Variants in ADAMTSL3 observed in about 807,000 individuals in gnomAD.
ADAMTSL3 encodes ADAMTS-like protein 3.
Under a neutral mutation model 201.7 loss-of-function variants are expected in ADAMTSL3, and 128 were observed. The observed-to-expected ratio is 0.63, with a 90% CI of 0.55 to 0.73. ADAMTSL3 has a LOEUF of 0.73. Among genes scored for constraint, ADAMTSL3 ranks in the 30% least tolerant of loss-of-function variants. ADAMTSL3 has a pLI of 0.00. For synonymous variants in ADAMTSL3, 738 were observed against 748.4 expected (o/e 0.99, Z 0.23); for missense variants, 1,990 against 2,119.6 (o/e 0.94, Z 1.20).
chr15:83,988,883 A>ATT, intron 22 of ADAMTSL3, 65 bp downstream of exon 22: 15 of 1,021,974 alleles, frequency 1.5e-5, no homozygotes, highest in Non-Finnish European at 1.8e-5. Context: ...TTATTTATTT[A>ATT]TTTATTTTTT....
At chr15:83,933,208 G>T (rs1173350464) in intron 17 of ADAMTSL3, among the ~76,000 whole-genome samples, 1 of 152,150 alleles carries the variant, frequency 6.6e-6, no homozygotes, top group African/African-American at 2.4e-5. Flanking sequence ...AAAGCATGGA[G>T]AATACATAAA....
At chr15:83,863,120 C>A (rs2064901550) in intron 8 of ADAMTSL3, among the ~76,000 whole-genome samples, 1 of 152,214 alleles carries the variant, frequency 6.6e-6, no homozygotes, top group Admixed American at 6.5e-5. Context: ...ATTCATAAAG[C>A]AAGTCCTTAG....
intron 16 of ADAMTSL3, among the ~76,000 whole-genome samples, chr15:83,913,620 T>A (rs1415480931): frequency 1.3e-5 from 2 of 152,174 alleles, no homozygotes; most frequent in Non-Finnish European, 2.9e-5. Context: ...CCTGAGAATC[T>A]GCATGACTGA....
At chr15:83,884,015 C>G (rs1053104155) in intron 9 of ADAMTSL3, among the ~76,000 whole-genome samples, 1 of 151,650 alleles carries the variant, frequency 6.6e-6, no homozygotes. Context: ...GCCTCAGCCT[C>G]CTGAGTAGCT....
intron 4 of ADAMTSL3, among the ~76,000 whole-genome samples, chr15:83,783,837 C>CTGTGTGTG (rs59071955): frequency 0.085 from 12,622 of 148,620 alleles, 556 homozygotes; most frequent in Non-Finnish European, 0.1. Context: ...CATATATACT[C>CTGTGTGTG]TGTGTGTGTG....
intron 19 of ADAMTSL3, among the ~76,000 whole-genome samples, chr15:83,955,992 C>T (rs766360537): frequency 2.0e-5 from 3 of 152,108 alleles, no homozygotes; most frequent in Admixed American, 6.6e-5. Flanking sequence ...ATCAGACTTG[C>T]CTAAGAATCT....
intron 2 of ADAMTSL3, among the ~76,000 whole-genome samples, chr15:83,680,878 T>G (rs2141423311): frequency 6.6e-6 from 1 of 152,282 alleles, no homozygotes; most frequent in South Asian, 2.1e-4. Context: ...AGGTCATGTT[T>G]TCTTTAATTT....
At chr15:83,992,340 AC>A (rs1237563316) in intron 23 of ADAMTSL3, among the ~76,000 whole-genome samples, 1 of 151,906 alleles carries the variant, frequency 6.6e-6, no homozygotes, top group Non-Finnish European at 1.5e-5. Context: ...ATTGTTTTTC[AC>A]CCCTTGGAAA....
At chr15:84,031,051 C>T (rs1435999194) in intron 27 of ADAMTSL3, among the ~76,000 whole-genome samples, 1 of 152,196 alleles carries the variant, frequency 6.6e-6, no homozygotes, top group African/African-American at 2.4e-5. Context: ...AATTAAACCT[C>T]TTTCCTTTGT....
chr15:83,774,602 G>A (rs890534337), intron 4 of ADAMTSL3, among the ~76,000 whole-genome samples: 1 of 152,198 alleles, frequency 6.6e-6, no homozygotes, highest in African/African-American at 2.4e-5. Context: ...TTCCCCCAGG[G>A]CGAGTTCTAA....
intron 4 of ADAMTSL3, among the ~76,000 whole-genome samples, chr15:83,804,293 A>G (rs1335359280): frequency 6.6e-6 from 1 of 152,234 alleles, no homozygotes; most frequent in Non-Finnish European, 1.5e-5. Context: ...ATTCTTCTAC[A>G]TGTAGCATTT....
chr15:83,891,158 C>T lies in ADAMTSL3; in HGVS notation c.1212-171C>T, dbSNP rs971401889. 8.9e-5 allele frequency: 49 copies of T among 547,688 alleles called. 1 individual carries two copies. Among genetic ancestry groups the T allele is most frequent in the Non-Finnish European group, 1.4e-4 (45 of 311,936 alleles). The allele number at this position is 547,688 out of a possible 1,614,324, so 33.9% of individuals were successfully genotyped here. On this transcript the variant is annotated intron_variant, in intron 11 of 29. Coordinates refer to ENST00000286744, the MANE Select transcript of ADAMTSL3 (RefSeq NM_207517.3). The stretch of plus-strand genomic sequence containing the variant: ...GAATTTGTGTCGTAGATATTCTTGA[C>T]AACTAAAGAGATGGTGGCTGAATTT...
At chr15:83,870,162 G>A (rs62025822) in intron 8 of ADAMTSL3, among the ~76,000 whole-genome samples, 32,934 of 152,122 alleles carry the variant, frequency 0.22, 4,234 homozygotes, top group Non-Finnish European at 0.28. Flanking sequence ...CACAAGGGAG[G>A]TCTTTGTGGC....
chr15:83,823,938 T>TTCA lies in ADAMTSL3; in HGVS notation c.600+3893_600+3894insATC, dbSNP rs1567169645. 2.6e-4 allele frequency among the ~76,000 whole-genome samples: 30 copies of TTCA among 116,308 alleles called. 2 individuals carry two copies. Among genetic ancestry groups the TTCA allele is most frequent in the African/African-American group, 8.6e-4 (26 of 30,256 alleles). The allele number at this position is 116,308 out of a possible 152,430, so 76.3% of individuals were successfully genotyped here. ...CTTCTTCTTCTTCTTCTTCTTCTTC[T>TTCA]TCTTCTTCTTCTTCTTCTTCTTCTT... On this transcript the variant is annotated intron_variant, in intron 6 of 29. Coordinates refer to ENST00000286744, the MANE Select transcript of ADAMTSL3 (RefSeq NM_207517.3).
intron 2 of ADAMTSL3, among the ~76,000 whole-genome samples, chr15:83,689,086 A>G (rs2061578368): frequency 6.6e-6 from 1 of 152,146 alleles, no homozygotes; most frequent in African/African-American, 2.4e-5. Context: ...GCCTCCCAAG[A>G]TGTTGGGATT....
At chr15:83,810,710 A>G (rs995045292) in intron 5 of ADAMTSL3, among the ~76,000 whole-genome samples, 1 of 152,034 alleles carries the variant, frequency 6.6e-6, no homozygotes, top group Non-Finnish European at 1.5e-5. Flanking sequence ...AAAGCCAGCA[A>G]TGCTGCATCT....
At chr15:83,728,931 C>A (rs1385445136) in intron 3 of ADAMTSL3, among the ~76,000 whole-genome samples, 1 of 152,062 alleles carries the variant, frequency 6.6e-6, no homozygotes, top group Admixed American at 6.6e-5. Context: ...TCTTGCAGAG[C>A]AAGTCTGGTG....
chr15:84,014,625 T>G lies in ADAMTSL3; in HGVS notation c.4057T>G (p.Leu1353Val), dbSNP rs2068057796. 6 of 1,613,480 alleles carry G rather than the reference T, an allele frequency of 3.7e-6. No individual in the cohort carries two copies. The highest frequency in any genetic ancestry group is 5.1e-6 in the Non-Finnish European group (6 of 1,179,872). ...TTCCTTGCTTTTCAATGGATCCCTG[T>G]TGTTGCAGAATGTTTCCCTTGAAAA... is the stretch of plus-strand genomic sequence containing the variant. The part of the protein sequence containing the change: ...NVSLLFNGSL[L>V]LQNVSLENEG... The change falls in exon 24 of 30, where the codon TTG becomes GTG. Residue 1353 changes from leucine (L) to valine (V), a missense_variant. Coordinates refer to ENST00000286744, the MANE Select transcript of ADAMTSL3 (RefSeq NM_207517.3).
chr15:83,694,907 G>GT (rs1342675715), intron 2 of ADAMTSL3, among the ~76,000 whole-genome samples: 4 of 152,200 alleles, frequency 2.6e-5, no homozygotes, highest in Non-Finnish European at 2.9e-5. Flanking sequence ...ACAACTCCAT[G>GT]TTTAGGTTTT....
Sources: gnomAD v4.1 joint callset for allele counts (sites outside exome capture counted in the v4.1 genomes callset) on GRCh38, gnomAD v4.1.1 for gene constraint, MANE v1.5 for transcripts, NCBI Gene and HGNC (gene_info 2026-07-23, HGNC 2026-07-21) for gene names.